Variants in STPG2 observed in about 807,000 individuals in gnomAD.
STPG2 encodes sperm-tail PG-rich repeat-containing protein 2.
STPG2 carries 56 observed loss-of-function variants against 54.2 expected under a neutral mutation model. The ratio of observed to expected loss-of-function variants is 1.03; its 90% CI spans 0.83 to 1.29. The LOEUF is 1.29. Ranked by LOEUF, STPG2 falls within the 50% of genes most tolerant of loss-of-function variation. The probability of loss-of-function intolerance (pLI) is 0.00; values close to 1 mark genes in which losing one functional copy is unlikely to be tolerated. For missense variants in STPG2, 596 were observed against 544.9 expected (o/e 1.09, Z -0.93); for synonymous variants, 200 against 181.8 (o/e 1.10, Z -0.81).
intron 9 of STPG2, among the ~76,000 whole-genome samples, chr4:97,796,900 A>G: frequency 6.6e-6 from 1 of 152,112 alleles, no homozygotes; most frequent in Non-Finnish European, 1.5e-5. Context: ...CTCCTTGAAG[A>G]GGTCCTTCAC....
At chr4:97,903,169 G>A (rs1358589123) in intron 8 of STPG2, among the ~76,000 whole-genome samples, 1 of 152,086 alleles carries the variant, frequency 6.6e-6, no homozygotes, top group African/African-American at 2.4e-5. Flanking sequence ...TAATAACAGT[G>A]TATTGTATAC....
At chr4:97,691,526 T>C (rs10014158) in intron 10 of STPG2, among the ~76,000 whole-genome samples, 89,214 of 151,568 alleles carry the variant, frequency 0.59, 26,582 homozygotes, top group South Asian at 0.68. Context: ...CAGCAAGCCC[T>C]GCCCAAGGAG....
intron 7 of STPG2, among the ~76,000 whole-genome samples, chr4:97,958,811 T>C (rs1733782239): frequency 6.6e-6 from 1 of 152,098 alleles, no homozygotes; most frequent in Non-Finnish European, 1.5e-5. Flanking sequence ...ACTAGACAGG[T>C]CATCAAGACA....
intron 7 of STPG2, among the ~76,000 whole-genome samples, chr4:97,953,133 C>T (rs370649496): frequency 2.4e-4 from 37 of 152,302 alleles, no homozygotes; most frequent in African/African-American, 6.5e-4. Flanking sequence ...GGTAGCTCCA[C>T]GCTCTGACTC....
At chr4:97,799,254 A>AG (rs1727299344) in intron 9 of STPG2, among the ~76,000 whole-genome samples, 2 of 152,012 alleles carry the variant, frequency 1.3e-5, no homozygotes, top group Admixed American at 6.6e-5. Flanking sequence ...TTTGCTCGTT[A>AG]TTGATGCAGT....
chr4:97,607,177 A>G (rs1479971479), intron 10 of STPG2, among the ~76,000 whole-genome samples: 1 of 152,040 alleles, frequency 6.6e-6, no homozygotes, highest in Non-Finnish European at 1.5e-5. Flanking sequence ...AGCAGCAGCC[A>G]CAATAAAAAT....
chr4:97,957,603 T>C (rs1424239946), intron 7 of STPG2, among the ~76,000 whole-genome samples: 1 of 151,802 alleles, frequency 6.6e-6, no homozygotes, highest in African/African-American at 2.4e-5. Flanking sequence ...GATCACTGCC[T>C]AGGGAAAATG....
chr4:97,903,252 A>G (rs957822288), intron 8 of STPG2, among the ~76,000 whole-genome samples: 1 of 152,182 alleles, frequency 6.6e-6, no homozygotes, highest in Non-Finnish European at 1.5e-5. Context: ...ATATGAGATA[A>G]TGGATATGAT....
chr4:97,534,188 T>A (rs1197460551), intron 4 of STPG2, among the ~76,000 whole-genome samples: 1 of 152,144 alleles, frequency 6.6e-6, no homozygotes, highest in African/African-American at 2.4e-5. Flanking sequence ...TATTTCATAT[T>A]GTTTATGTTC....
At chr4:97,723,515 C>T (rs556531149) in intron 9 of STPG2, among the ~76,000 whole-genome samples, 1 of 152,250 alleles carries the variant, frequency 6.6e-6, no homozygotes, top group East Asian at 1.9e-4. Context: ...ATATTTTCTT[C>T]AAATAACTTT....
At chr4:97,695,696 C>T (rs1163876111) in intron 10 of STPG2, among the ~76,000 whole-genome samples, 2 of 151,722 alleles carry the variant, frequency 1.3e-5, no homozygotes, top group Admixed American at 6.6e-5. Flanking sequence ...CTGCTATACA[C>T]CAACACTGAT....
intron 4 of STPG2, among the ~76,000 whole-genome samples, chr4:97,486,845 A>ATATATATATATGTATG (rs758834350): frequency 8.0e-5 from 11 of 137,076 alleles, no homozygotes; most frequent in African/African-American, 3.0e-4. Context: ...ATATATATAT[A>ATATATATATATGTATG]TATGTATGTA....
chr4:97,791,820 T>TA (rs369932208), intron 9 of STPG2, among the ~76,000 whole-genome samples: 14 of 142,294 alleles, frequency 9.8e-5, no homozygotes, highest in East Asian at 2.0e-4. Context: ...GCATAACAAA[T>TA]AAAAAAAAAA....
chr4:98,039,729 G>A (rs1002927333), intron 5 of STPG2, among the ~76,000 whole-genome samples: 20 of 124,898 alleles, frequency 1.6e-4, no homozygotes, highest in Non-Finnish European at 3.2e-4. Flanking sequence ...GTCATCCACT[G>A]ATGGACACTT....
At chr4:97,891,079 G>A (rs1730753743) in intron 8 of STPG2, among the ~76,000 whole-genome samples, 1 of 151,820 alleles carries the variant, frequency 6.6e-6, no homozygotes, top group African/African-American at 2.4e-5. Flanking sequence ...GAAAGTCAAG[G>A]GAGAACAGAA....
At chr4:98,130,458 C>CAAAGTGCT in intron 2 of STPG2, among the ~76,000 whole-genome samples, 1 of 152,118 alleles carries the variant, frequency 6.6e-6, no homozygotes, top group South Asian at 2.1e-4. Context: ...GCTAGGATTA[C>CAAAGTGCT]AGGCATAAGC....
At chr4:97,508,727 A>C (rs1730906394) in intron 4 of STPG2, among the ~76,000 whole-genome samples, 1 of 152,090 alleles carries the variant, frequency 6.6e-6, no homozygotes, top group Non-Finnish European at 1.5e-5. Flanking sequence ...TTGAACAAAA[A>C]ATAATTTTTA....
chr4:98,038,747 A>G (rs1414265239), intron 5 of STPG2, among the ~76,000 whole-genome samples: 3 of 152,076 alleles, frequency 2.0e-5, no homozygotes, highest in Non-Finnish European at 2.9e-5. Flanking sequence ...TGAACAAAGT[A>G]AAACGAATAG....
intron 9 of STPG2, among the ~76,000 whole-genome samples, chr4:97,779,488 C>G (rs1040816059): frequency 6.6e-6 from 1 of 152,060 alleles, no homozygotes; most frequent in Non-Finnish European, 1.5e-5. Context: ...GAGAATGGAA[C>G]CAAACTGGAA....
Sources: allele counts gnomAD v4.1 joint callset (sites outside exome capture counted in the v4.1 genomes callset), GRCh38; gene constraint gnomAD v4.1.1; transcripts MANE v1.5; gene names NCBI Gene and HGNC (gene_info 2026-07-23, HGNC 2026-07-21).